ARHGAP6: variants seen among roughly 807,000 people sequenced by gnomAD.
The protein encoded by ARHGAP6 is Rho GTPase activating protein 6, also known as rho GTPase-activating protein 6.
ARHGAP6 carries 16 observed loss-of-function variants against 55.7 expected under a neutral mutation model. The ratio of observed to expected loss-of-function variants is 0.29; its 90% CI spans 0.19 to 0.44. The LOEUF is 0.44. ARHGAP6 is among the 20% of genes least tolerant of loss of function. ARHGAP6 has a pLI of 1.00. For synonymous variants in ARHGAP6, 382 were observed against 360.9 expected, an observed-to-expected ratio of 1.06 and a Z score of -0.66; for missense variants, 698 against 808.9, an observed-to-expected ratio of 0.86 and a Z score of 1.66.
At chrX:11,538,295 T>A (rs1480389533) in intron 1 of ARHGAP6, among the ~76,000 whole-genome samples, 1 of 112,386 alleles carries the variant, frequency 8.9e-6, no homozygotes, top group Non-Finnish European at 1.9e-5. Flanking sequence ...ATCTGAGACA[T>A]CTGAAACTAT....
chrX:11,152,376 A>AG (rs1437491903), intron 10 of ARHGAP6, among the ~76,000 whole-genome samples: 1 of 111,970 alleles, frequency 8.9e-6, no homozygotes, highest in East Asian at 2.8e-4. Flanking sequence ...CTGGCAGTTT[A>AG]GGGTACTGTA....
Position 11,355,116 on chromosome X carries a change from C to T in ARHGAP6, c.589-100409G>A, listed in dbSNP as rs1041427211. Among the ~76,000 whole-genome samples the T allele has an allele frequency of 9.9e-5, 11 of 111,398 alleles. No individual in the cohort carries two copies. In the South Asian group the frequency reaches 1.9e-3, roughly 19 times the overall value. On this transcript the variant is annotated intron_variant, in intron 1 of 12. Coordinates refer to ENST00000337414, the MANE Select transcript of ARHGAP6 (RefSeq NM_013427.3). ...GATTTCTAATGAGCCAACAATTGTCCGATAAGCTCAAATGAACTCCAAGTC... is the reference window on the plus strand; with the variant it reads ...GATTTCTAATGAGCCAACAATTGTCTGATAAGCTCAAATGAACTCCAAGTC...
intron 1 of ARHGAP6, among the ~76,000 whole-genome samples, chrX:11,584,146 C>G (rs1310009967): frequency 8.9e-6 from 1 of 111,873 alleles, no homozygotes; most frequent in African/African-American, 3.2e-5. Flanking sequence ...GACAAACTTA[C>G]AAGTTAATCG....
chrX:11,515,067 C>A (rs147152504), intron 1 of ARHGAP6, among the ~76,000 whole-genome samples: 1,188 of 111,480 alleles, frequency 0.011, 17 homozygotes, highest in African/African-American at 0.036. Flanking sequence ...GTTGAAAAAG[C>A]GAGGGTGTAC....
At chrX:11,645,365 C>T (rs756776723) in intron 1 of ARHGAP6, among the ~76,000 whole-genome samples, 8 of 110,923 alleles carry the variant, frequency 7.2e-5, no homozygotes, top group Non-Finnish European at 1.3e-4. Context: ...ACTCAATGCT[C>T]CAAACATCTC....
intron 1 of ARHGAP6, among the ~76,000 whole-genome samples, chrX:11,601,701 C>T (rs1458401740): frequency 9.0e-6 from 1 of 111,408 alleles, no homozygotes; most frequent in African/African-American, 3.3e-5. Flanking sequence ...TACTATGTGC[C>T]GGCCAATGTG....
intron 10 of ARHGAP6, among the ~76,000 whole-genome samples, chrX:11,149,513 A>G (rs1429270631): frequency 9.0e-6 from 1 of 111,264 alleles, no homozygotes; most frequent in East Asian, 2.8e-4. Flanking sequence ...CAGGGTATTG[A>G]GGCCAACAGC....
chrX:11,400,509 G>A (rs1285432321), intron 1 of ARHGAP6, among the ~76,000 whole-genome samples: 3 of 90,649 alleles, frequency 3.3e-5, no homozygotes, highest in Non-Finnish European at 6.5e-5. Flanking sequence ...CCCGCACCCC[G>A]TCCCCCCCTG....
intron 1 of ARHGAP6, among the ~76,000 whole-genome samples, chrX:11,632,435 C>T (rs1569066290): frequency 1.8e-5 from 2 of 112,171 alleles, no homozygotes; most frequent in African/African-American, 6.5e-5. Context: ...TAAAACCTGC[C>T]TTTATGGGTA....
chrX:11,388,379 T>A (rs1331760499), intron 1 of ARHGAP6, among the ~76,000 whole-genome samples: 1 of 112,155 alleles, frequency 8.9e-6, no homozygotes, highest in Non-Finnish European at 1.9e-5. Flanking sequence ...TTCATATCCT[T>A]CACCCACTTG....
chrX:11,646,146 A>C (rs960284609), intron 1 of ARHGAP6, among the ~76,000 whole-genome samples: 1 of 111,613 alleles, frequency 9.0e-6, no homozygotes, highest in African/African-American at 3.3e-5. Context: ...CCACACACTT[A>C]TAAAACCATC....
At chrX:11,229,478 A>G (rs2047097688) in intron 2 of ARHGAP6, among the ~76,000 whole-genome samples, 1 of 111,975 alleles carries the variant, frequency 8.9e-6, no homozygotes, top group African/African-American at 3.2e-5. Context: ...CATCTATGGC[A>G]AGGTAAATTA....
At chrX:11,299,099 C>T (rs2048135150) in intron 1 of ARHGAP6, 1 of 878,443 alleles carries the variant, frequency 1.1e-6, no homozygotes. Context: ...GTCTATGATT[C>T]TATTAGTCCA....
intron 1 of ARHGAP6, among the ~76,000 whole-genome samples, chrX:11,629,520 A>G (rs1601712331): frequency 9.0e-6 from 1 of 110,912 alleles, no homozygotes; most frequent in Non-Finnish European, 1.9e-5. Flanking sequence ...TGATCTAATA[A>G]AGCAATTATG....
At chrX:11,414,424 A>G (rs773064857) in intron 1 of ARHGAP6, among the ~76,000 whole-genome samples, 6 of 111,123 alleles carry the variant, frequency 5.4e-5, no homozygotes, top group Non-Finnish European at 1.1e-4. Flanking sequence ...AGCTCATAGG[A>G]GACACAAAAG....
intron 1 of ARHGAP6, among the ~76,000 whole-genome samples, chrX:11,628,906 C>T (rs1049228421): frequency 8.9e-6 from 1 of 112,157 alleles, no homozygotes; most frequent in Non-Finnish European, 1.9e-5. Flanking sequence ...TGTCCAACCA[C>T]AGCTAATTTT....
chrX:11,184,616 T>G (rs2046362925), intron 5 of ARHGAP6, among the ~76,000 whole-genome samples: 1 of 112,470 alleles, frequency 8.9e-6, no homozygotes, highest in Non-Finnish European at 1.9e-5. Flanking sequence ...CTATTGAAGT[T>G]TTCTATTTCG....
chrX:11,506,701 C>T (rs1007115012), intron 1 of ARHGAP6, among the ~76,000 whole-genome samples: 7 of 111,618 alleles, frequency 6.3e-5, no homozygotes, highest in South Asian at 3.8e-4. Flanking sequence ...AATAAACATA[C>T]GTGTGCATGT....
chrX:11,647,611 C>T (rs2052543503), intron 1 of ARHGAP6, among the ~76,000 whole-genome samples: 1 of 112,120 alleles, frequency 8.9e-6, no homozygotes, highest in Admixed American at 9.5e-5. Flanking sequence ...TTTCTTCAGT[C>T]CCTCAGCACA....
Sources: allele counts gnomAD v4.1 joint callset (sites outside exome capture counted in the v4.1 genomes callset), GRCh38; gene constraint gnomAD v4.1.1; transcripts MANE v1.5; gene names NCBI Gene and HGNC (gene_info 2026-07-23, HGNC 2026-07-21).